The following MCCC1 variants were observed in gnomAD, a reference collection of about 807,000 sequenced individuals.
MCCC1 encodes methylcrotonoyl-CoA carboxylase subunit alpha, mitochondrial.
In MCCC1, 64 loss-of-function variants were observed where a neutral mutation model predicts 83.8. The observed-to-expected ratio is 0.76, with a 90% CI of 0.62 to 0.94. The LOEUF (loss-of-function observed/expected upper bound fraction) is 0.94. MCCC1 is among the 40% of genes least tolerant of loss of function. MCCC1 has a pLI of 0.00. For synonymous variants in MCCC1, 322 were observed against 315.4 expected, an observed-to-expected ratio of 1.02 and a Z score of -0.22; for missense variants, 807 against 904.7, an observed-to-expected ratio of 0.89 and a Z score of 1.39.
intron 1 of MCCC1, among the ~76,000 whole-genome samples, chr3:183,113,209 C>T (rs1488549227): frequency 2.8e-5 from 4 of 140,712 alleles, no homozygotes; most frequent in East Asian, 4.1e-4. Context: ...GGTGACAGAG[C>T]GAGACTCCAT....
intron 7 of MCCC1, among the ~76,000 whole-genome samples, chr3:183,067,804 C>T (rs1186846269): frequency 1.3e-5 from 2 of 152,184 alleles, no homozygotes; most frequent in Admixed American, 1.3e-4. Flanking sequence ...TTGGGATAAT[C>T]TTGCTTACTT....
At chr3:183,081,886 G>A (rs1000444946) in intron 4 of MCCC1, among the ~76,000 whole-genome samples, 1 of 152,158 alleles carries the variant, frequency 6.6e-6, no homozygotes, top group Non-Finnish European at 1.5e-5. Flanking sequence ...GACACAGCTT[G>A]GCTTGCTCAT....
Position 183,049,377 on chromosome 3 carries a change from C to T in MCCC1, c.955+2782G>A, listed in dbSNP as rs187742604. ...AAAAGGTCAAGAGATCAAGACCATC[C>T]TGGCCAAGATGGTGAAACCCATCTC... On this transcript the variant is annotated intron_variant, in intron 9 of 18. Coordinates refer to ENST00000265594, the MANE Select transcript of MCCC1 (RefSeq NM_020166.5). 1.8e-3 allele frequency among the ~76,000 whole-genome samples: 279 copies of T among 152,002 alleles called. 1 individual carries two copies. The highest frequency in any genetic ancestry group is 0.01 in the Middle Eastern group (3 of 294).
At chr3:183,100,179 GA>G (rs1719073679), upstream of MCCC1, among the ~76,000 whole-genome samples, 5 of 152,260 alleles carry the variant, frequency 3.3e-5, no homozygotes, top group Admixed American at 1.3e-4. Context: ...ATGCACATTT[GA>G]CATGATTTAA....
intron 4 of MCCC1, among the ~76,000 whole-genome samples, chr3:183,084,840 T>C (rs866229283): frequency 6.6e-6 from 1 of 152,126 alleles, no homozygotes; most frequent in Non-Finnish European, 1.5e-5. Flanking sequence ...GAGGATTGCT[T>C]GAACCCTCAC....
intron 7 of MCCC1, 117 bp from the exon 8 acceptor site, chr3:183,057,539 G>A (rs1454674600): frequency 5.9e-6 from 5 of 847,406 alleles, no homozygotes; most frequent in Non-Finnish European, 7.7e-6. Context: ...CTTCCTTTAA[G>A]TAAGATCTGA....
At chr3:183,044,205 T>C (rs1714345359) in intron 10 of MCCC1, among the ~76,000 whole-genome samples, 1 of 152,220 alleles carries the variant, frequency 6.6e-6, no homozygotes, top group African/African-American at 2.4e-5. Context: ...GAATCCTACA[T>C]ATATCAGGAC....
chr3:183,085,745 C>A (rs1182184991), intron 4 of MCCC1, among the ~76,000 whole-genome samples: 4 of 152,190 alleles, frequency 2.6e-5, no homozygotes, highest in Non-Finnish European at 4.4e-5. Flanking sequence ...AGCTGCAAAT[C>A]CAGCCTTCTA....
At chr3:183,033,864 C>T in intron 14 of MCCC1, 127 bp downstream of exon 14, 1 of 693,806 alleles carries the variant, frequency 1.4e-6, no homozygotes, top group Non-Finnish European at 2.5e-6. Flanking sequence ...ATATTTCCCT[C>T]CAATGTTTAG....
intron 5 of MCCC1, among the ~76,000 whole-genome samples, chr3:183,071,844 G>A (rs1200682825): frequency 1.3e-5 from 2 of 150,838 alleles, no homozygotes; most frequent in Non-Finnish European, 2.9e-5. Context: ...TGGGACTACA[G>A]GTGTGTGTCA....
At chr3:183,041,092 A>T (rs1162846733) in intron 11 of MCCC1, among the ~76,000 whole-genome samples, 1 of 152,222 alleles carries the variant, frequency 6.6e-6, no homozygotes, top group East Asian at 1.9e-4. Flanking sequence ...CTAAATAATC[A>T]CTAGTTATGA....
At chr3:183,114,612 GAAGT>G (rs1301232909) in intron 1 of MCCC1, among the ~76,000 whole-genome samples, 2 of 152,200 alleles carry the variant, frequency 1.3e-5, no homozygotes, top group East Asian at 1.9e-4. Flanking sequence ...TGTGAAAGAA[GAAGT>G]AAGACAGTAT....
chr3:183,040,667 G>T (rs1266928842), intron 11 of MCCC1, among the ~76,000 whole-genome samples: 1 of 151,992 alleles, frequency 6.6e-6, no homozygotes, highest in Non-Finnish European at 1.5e-5. Context: ...AGGTTGTAGT[G>T]AGCTGAGATC....
In MCCC1 at chr3:183,044,732, C is replaced by T. The variant is rs553068724; in HGVS notation, c.1083+681G>A. 6.6e-5 allele frequency among the ~76,000 whole-genome samples: 10 copies of T among 152,114 alleles called. No individual in the cohort carries two copies. The South Asian group carries it at 2.1e-3, about 32-fold the overall frequency. On this transcript the variant is annotated intron_variant, in intron 10 of 18. Coordinates refer to ENST00000265594, the MANE Select transcript of MCCC1 (RefSeq NM_020166.5). ...CAATCTCACCTGCTGGCTGCCCGGG[C>T]CTAGGGGGAAGTGAATCTGAGTCCC... is the stretch of plus-strand genomic sequence containing the variant.
chr3:183,110,610 G>T (rs990002238), intron 1 of MCCC1, among the ~76,000 whole-genome samples: 3 of 152,016 alleles, frequency 2.0e-5, no homozygotes, highest in African/African-American at 4.8e-5. Context: ...TAGTCAGAAT[G>T]GTCTCGATCT....
Position 183,092,419 on chromosome 3 carries a change from T to G in MCCC1, c.263A>C (p.His88Pro), listed in dbSNP as rs1352224093. Residue 88 changes from histidine (H) to proline (P), a missense_variant, in exon 3 of 19, where the codon CAT (histidine) becomes CCT (proline). Transcript: ENST00000265594. ...VYSEADRNSM[H>P]VDMADEAYSI... is the part of the protein sequence containing the mutation. The stretch of plus-strand genomic sequence containing the variant: ...ATTTTTAACACATACCATATCTACA[T>G]GCATGGAATTTCTGTCAGCCTCACT... 8 of 1,614,210 alleles carry G rather than the reference T, an allele frequency of 5.0e-6. No homozygotes were observed. Among genetic ancestry groups the G allele is most frequent in the Admixed American group, 1.7e-5 (1 of 60,018 alleles).
At position 183,072,425 on chromosome 3, in the gene MCCC1, T is replaced by C. The variant is rs1359753499; in HGVS notation, c.432A>G (p.Gln144=). 3 of 1,613,802 alleles carry C rather than the reference T, an allele frequency of 1.9e-6. No individual in the cohort carries two copies. The highest frequency in any genetic ancestry group is 2.5e-6 in the Non-Finnish European group (3 of 1,179,862). ...GAGGGCCTATAAAAATAATTCCTTCTTGCTTACAAAGTTCAGCAAATTCCA... is the reference window on the plus strand; with the variant it reads ...GAGGGCCTATAAAAATAATTCCTTCCTGCTTACAAAGTTCAGCAAATTCCA... ...ENMEFAELCK[Q]EGIIFIGPPP... Residue 144 remains glutamine (Q), a synonymous_variant, in exon 5 of 19, where the codon CAA becomes CAG. Coordinates refer to ENST00000265594, the MANE Select transcript of MCCC1 (RefSeq NM_020166.5).
chr3:183,025,914 G>C, intron 14 of MCCC1, 110 bp from the exon 15 acceptor site: 1 of 941,566 alleles, frequency 1.1e-6, no homozygotes, highest in Middle Eastern at 2.1e-4. Flanking sequence ...ACTATTCAAA[G>C]GAAAATCAAC....
At chr3:183,108,217 G>A (rs1190673592) in intron 1 of MCCC1, among the ~76,000 whole-genome samples, 1 of 152,198 alleles carries the variant, frequency 6.6e-6, no homozygotes. Flanking sequence ...TGTTGGCCTA[G>A]GGAAATATCC....
Sources: allele counts gnomAD v4.1 joint callset (sites outside exome capture counted in the v4.1 genomes callset), GRCh38; gene constraint gnomAD v4.1.1; transcripts MANE v1.5; gene names NCBI Gene and HGNC (gene_info 2026-07-23, HGNC 2026-07-21).